Variants in PLXNA4 observed in about 807,000 individuals in gnomAD.
The protein encoded by PLXNA4 is plexin A4, also known as plexin-A4.
In PLXNA4, 44 loss-of-function variants were observed where a neutral mutation model predicts 191.8. The observed-to-expected ratio is 0.23, with a 90% CI of 0.18 to 0.29. The LOEUF (loss-of-function observed/expected upper bound fraction) is 0.29, where lower values mean the gene tolerates loss of function less well. PLXNA4 is among the 10% of genes least tolerant of loss of function. PLXNA4 has a pLI of 1.00. For missense variants in PLXNA4, 1,800 were observed against 2,488.8 expected (o/e 0.72, Z 5.89); for synonymous variants, 1,082 against 1,009.5 (o/e 1.07, Z -1.36).
chr7:132,474,512 G>T (rs147130321), intron 3 of PLXNA4, among the ~76,000 whole-genome samples: 1 of 151,916 alleles, frequency 6.6e-6, no homozygotes, highest in East Asian at 1.9e-4. Flanking sequence ...TTACAACACC[G>T]CACATGTTAC....
intron 3 of PLXNA4, among the ~76,000 whole-genome samples, chr7:132,427,001 C>T (rs1374868315): frequency 6.6e-6 from 1 of 152,130 alleles, no homozygotes; most frequent in Non-Finnish European, 1.5e-5. Context: ...CCAAGCTCAG[C>T]ATATGAAACA....
At chr7:132,323,770 T>C (rs987170358) in intron 3 of PLXNA4, among the ~76,000 whole-genome samples, 7 of 152,188 alleles carry the variant, frequency 4.6e-5, no homozygotes, top group African/African-American at 7.2e-5. Context: ...AGATCTGTCA[T>C]GTGGAGGAGA....
At chr7:132,254,686 T>C (rs1416461610) in intron 4 of PLXNA4, among the ~76,000 whole-genome samples, 3 of 152,198 alleles carry the variant, frequency 2.0e-5, no homozygotes, top group Non-Finnish European at 4.4e-5. Flanking sequence ...CCCGCTTCCA[T>C]CTGCCAGGAG....
chr7:132,401,486 A>G (rs1037047651), intron 3 of PLXNA4, among the ~76,000 whole-genome samples: 5 of 152,238 alleles, frequency 3.3e-5, no homozygotes, highest in Non-Finnish European at 2.9e-5. Context: ...AGAAACAATC[A>G]GCATGTGATA....
intron 4 of PLXNA4, among the ~76,000 whole-genome samples, chr7:132,285,489 G>T (rs554113747): frequency 2.6e-5 from 4 of 152,102 alleles, no homozygotes; most frequent in Admixed American, 1.3e-4. Flanking sequence ...CATCGCATAC[G>T]TCTCTGAGTC....
chr7:132,476,740 A>G (rs1797144398), intron 3 of PLXNA4, among the ~76,000 whole-genome samples: 1 of 152,178 alleles, frequency 6.6e-6, no homozygotes, highest in East Asian at 1.9e-4. Context: ...TAATTTGGAA[A>G]CTTTATTTAA....
intron 1 of PLXNA4, among the ~76,000 whole-genome samples, chr7:132,516,064 G>T (rs566631324): frequency 3.3e-5 from 5 of 152,180 alleles, no homozygotes; most frequent in Non-Finnish European, 5.9e-5. Context: ...ATATGAGATG[G>T]CAGTGGGTAT....
chr7:132,504,604 G>C (rs1253822759), intron 2 of PLXNA4, among the ~76,000 whole-genome samples: 1 of 152,182 alleles, frequency 6.6e-6, no homozygotes, highest in Non-Finnish European at 1.5e-5. Context: ...AAAACCCACA[G>C]GGGACCCCTT....
chr7:132,217,264 G>C (rs147621371), intron 9 of PLXNA4, among the ~76,000 whole-genome samples: 56 of 152,360 alleles, frequency 3.7e-4, no homozygotes, highest in African/African-American at 1.3e-3. Flanking sequence ...CAGCACGTTA[G>C]TGACTGCTTT....
At chr7:132,320,480 T>A (rs1023024516) in intron 3 of PLXNA4, among the ~76,000 whole-genome samples, 2 of 152,192 alleles carry the variant, frequency 1.3e-5, no homozygotes, top group African/African-American at 4.8e-5. Flanking sequence ...AGACCCTATT[T>A]ACAAAAAGGT....
At chr7:132,588,710 GAAGAAAAAAGGAA>G (rs1374244330) in intron 2 of PLXNA4, among the ~76,000 whole-genome samples, 3 of 133,598 alleles carry the variant, frequency 2.2e-5, no homozygotes, top group African/African-American at 8.5e-5. Flanking sequence ...GAGGGGAGAG[GAAGAAAAAAGGAA>G]AAGAAAAAAA....
chr7:132,274,999 G>A (rs1366785029), intron 4 of PLXNA4, among the ~76,000 whole-genome samples: 1 of 151,790 alleles, frequency 6.6e-6, no homozygotes, highest in Non-Finnish European at 1.5e-5. Flanking sequence ...TTTCTGCTAG[G>A]TTTCTACACT....
intron 1 of PLXNA4, among the ~76,000 whole-genome samples, chr7:132,519,316 C>G (rs1361084180): frequency 6.6e-6 from 1 of 152,214 alleles, no homozygotes; most frequent in Non-Finnish European, 1.5e-5. Context: ...TCCAGGGGTA[C>G]TGGCTCCTGG....
intron 2 of PLXNA4, among the ~76,000 whole-genome samples, chr7:132,616,146 C>T (rs1803153778): frequency 6.6e-6 from 1 of 152,132 alleles, no homozygotes; most frequent in Non-Finnish European, 1.5e-5. Flanking sequence ...CATTCTCTAC[C>T]TGACACACAC....
rs190330639 is a variant in PLXNA4, at chr7:132,597,681, G to C, written c.-87+48247C>G. 4.0e-3 allele frequency among the ~76,000 whole-genome samples: 602 copies of C among 152,050 alleles called. 2 individuals are homozygous for C. The highest frequency in any genetic ancestry group is 6.9e-3 in the Non-Finnish European group (467 of 67,992). On this transcript the variant is annotated intron_variant, in intron 2 of 4. Coordinates refer to the PLXNA4 transcript ENST00000378539. ...TGACCACTGACTACAAATCTGTTAAGGTTAATGAGGGTCTTTTGTTTGTAT... is the reference window on the plus strand; with the variant it reads ...TGACCACTGACTACAAATCTGTTAACGTTAATGAGGGTCTTTTGTTTGTAT...
At chr7:132,384,223 T>C (rs1250015765) in intron 3 of PLXNA4, 3 of 984,934 alleles carry the variant, frequency 3.0e-6, no homozygotes, top group South Asian at 4.7e-5. Flanking sequence ...CGAGGTTTAG[T>C]GTGGTGGTTC....
chr7:132,512,232 C>A (rs1455101271), intron 1 of PLXNA4, among the ~76,000 whole-genome samples: 2 of 152,242 alleles, frequency 1.3e-5, no homozygotes, highest in Non-Finnish European at 2.9e-5. Context: ...GTATCACAAC[C>A]TGCCGTATGC....
intron 2 of PLXNA4, among the ~76,000 whole-genome samples, chr7:132,614,130 T>C (rs1377621172): frequency 1.3e-5 from 2 of 152,232 alleles, no homozygotes; most frequent in East Asian, 3.8e-4. Context: ...ATTAGAGAAG[T>C]AAAAACGGGT....
intron 3 of PLXNA4, among the ~76,000 whole-genome samples, chr7:132,404,092 G>A (rs966769450): frequency 1.3e-5 from 2 of 152,050 alleles, no homozygotes; most frequent in African/African-American, 2.4e-5. Flanking sequence ...TTGTTTCCAC[G>A]GGTCCCCAAG....
Sources: allele counts gnomAD v4.1 joint callset (sites outside exome capture counted in the v4.1 genomes callset), GRCh38; gene constraint gnomAD v4.1.1; transcripts MANE v1.5; gene names NCBI Gene and HGNC (gene_info 2026-07-23, HGNC 2026-07-21).